The following FRMD4A variants were observed in gnomAD, a reference collection of about 807,000 sequenced individuals.
The protein encoded by FRMD4A is FERM domain-containing protein 4A.
Under a neutral mutation model 129.1 loss-of-function variants are expected in FRMD4A, and 29 were observed. The ratio of observed to expected loss-of-function variants is 0.22; its 90% confidence interval spans 0.17 to 0.31. The LOEUF is 0.31. FRMD4A is among the 10% of genes least tolerant of loss of function. The probability of loss-of-function intolerance (pLI) is 1.00; values close to 1 mark genes in which losing one functional copy is unlikely to be tolerated. For missense variants in FRMD4A, 1,272 were observed against 1,375.8 expected, an observed-to-expected ratio of 0.92 and a Z score of 1.19; for synonymous variants, 634 against 571.6, an observed-to-expected ratio of 1.11 and a Z score of -1.56.
chr10:13,884,158 A>ACACT (rs1564970884), intron 2 of FRMD4A, among the ~76,000 whole-genome samples: 33 of 39,594 alleles, frequency 8.3e-4, no homozygotes, highest in African/African-American at 1.4e-3. Flanking sequence ...ACACACTCTC[A>ACACT]CACACACACT....
intron 21 of FRMD4A, among the ~76,000 whole-genome samples, 163 bp downstream of exon 21, chr10:13,659,160 C>G (rs1017648654): frequency 6.6e-6 from 1 of 152,136 alleles, no homozygotes; most frequent in Admixed American, 6.5e-5. Flanking sequence ...TCTTGGCTAA[C>G]GGGGGTTGAC....
chr10:14,255,429 T>C (rs1290185443), intron 2 of FRMD4A, among the ~76,000 whole-genome samples: 1 of 152,158 alleles, frequency 6.6e-6, no homozygotes. Context: ...TAAAATATGG[T>C]ATCAAAAGGG....
In FRMD4A at chr10:14,254,574, C is replaced by T. The variant is rs148086499; in HGVS notation, c.45+75484G>A. On this transcript the variant is annotated intron_variant, in intron 2 of 24. Transcript: ENST00000357447. The stretch of plus-strand genomic sequence containing the variant: ...CATGTTTTCCTGTGGATACGCCTAG[C>T]ACCTTTCTTTACAATGTGGGGTTCT... Among the ~76,000 whole-genome samples the T allele has an allele frequency of 9.9e-5, 15 of 152,216 alleles. No individual in the cohort carries two copies. The East Asian group carries it at 2.7e-3, about 28-fold the overall frequency.
At chr10:14,276,499 G>C (rs1395530325) in intron 2 of FRMD4A, among the ~76,000 whole-genome samples, 1 of 152,206 alleles carries the variant, frequency 6.6e-6, no homozygotes, top group Non-Finnish European at 1.5e-5. Context: ...TTAATGAAAA[G>C]GCCCCAGTCA....
At chr10:13,752,734 G>A (rs146367100) in intron 8 of FRMD4A, among the ~76,000 whole-genome samples, 21 of 152,220 alleles carry the variant, frequency 1.4e-4, no homozygotes, top group African/African-American at 4.6e-4. Flanking sequence ...TCTCAGGGGC[G>A]GGATATTTCA....
At chr10:13,650,810 T>G (rs2081515384) in intron 24 of FRMD4A, among the ~76,000 whole-genome samples, 1 of 152,210 alleles carries the variant, frequency 6.6e-6, no homozygotes, top group Non-Finnish European at 1.5e-5. Context: ...TTTTTGCACT[T>G]GGGATGGTCT....
intron 2 of FRMD4A, among the ~76,000 whole-genome samples, chr10:14,043,574 G>A (rs1833867755): frequency 6.6e-6 from 1 of 152,116 alleles, no homozygotes; most frequent in Non-Finnish European, 1.5e-5. Flanking sequence ...TGTCCACTCT[G>A]ATGAGGATTT....
At chr10:14,233,570 T>C (rs1159936805) in intron 2 of FRMD4A, among the ~76,000 whole-genome samples, 2 of 152,228 alleles carry the variant, frequency 1.3e-5, no homozygotes, top group Admixed American at 6.5e-5. Context: ...TGAGACTCCA[T>C]CTCAAAACAA....
At chr10:13,993,278 T>A (rs1204474177) in intron 2 of FRMD4A, among the ~76,000 whole-genome samples, 1 of 152,152 alleles carries the variant, frequency 6.6e-6, no homozygotes, top group Non-Finnish European at 1.5e-5. Context: ...GATCCAGAGT[T>A]CCTCAGGGTT....
intron 2 of FRMD4A, among the ~76,000 whole-genome samples, chr10:14,013,239 C>T (rs2095687986): frequency 6.6e-6 from 1 of 152,170 alleles, no homozygotes; most frequent in Non-Finnish European, 1.5e-5. Context: ...CATCTTGAGC[C>T]ATACTTCCTT....
chr10:13,935,958 T>C (rs2095246011), intron 2 of FRMD4A, among the ~76,000 whole-genome samples: 1 of 152,230 alleles, frequency 6.6e-6, no homozygotes, highest in Admixed American at 6.5e-5. Context: ...TTGTCCCCCT[T>C]CAGCTGCCAT....
chr10:13,801,219 CCTGACAACAGAGTGGGGCCCTGTCTCA>C lies in FRMD4A; in HGVS notation c.207-4658_207-4632del, dbSNP rs372886363. Among the ~76,000 whole-genome samples, 164 of 152,256 alleles carry C rather than the reference CCTGACAACAGAGTGGGGCCCTGTCTCA, an allele frequency of 1.1e-3. 3 individuals are homozygous for C. Among genetic ancestry groups the C allele is most frequent in the African/African-American group, 3.4e-3 (140 of 41,534 alleles). On this transcript the variant is annotated intron_variant, in intron 4 of 24. Transcript: ENST00000357447. ...CCGAGATTGCACCGCTGCACTTCAG[CCTGACAACAGAGTGGGGCCCTGTCTCA>C]CTGACAACAGAGTGGGGCCCTGTCT...
intron 4 of FRMD4A, among the ~76,000 whole-genome samples, chr10:13,805,876 T>A (rs1333302374): frequency 7.1e-6 from 1 of 141,624 alleles, no homozygotes; most frequent in African/African-American, 2.7e-5. Context: ...TTTTTTTTTT[T>A]GAGACAGATT....
chr10:13,959,329 A>C (rs1213463403), intron 2 of FRMD4A, among the ~76,000 whole-genome samples: 1 of 152,056 alleles, frequency 6.6e-6, no homozygotes, highest in African/African-American at 2.4e-5. Flanking sequence ...AAAATTAGCC[A>C]GGCGTGGTGG....
chr10:14,038,121 G>C (rs919175614), intron 2 of FRMD4A, among the ~76,000 whole-genome samples: 4 of 152,162 alleles, frequency 2.6e-5, no homozygotes, highest in Non-Finnish European at 4.4e-5. Context: ...AGGAGATCGA[G>C]ACCATCCTGG....
Position 14,089,418 on chromosome 10 carries a change from T to A in FRMD4A, c.46-230506A>T, listed in dbSNP as rs1836502655. Among the ~76,000 whole-genome samples, 7 of 152,064 alleles carry A rather than the reference T, an allele frequency of 4.6e-5. No individual in the cohort carries two copies. The South Asian group carries it at 1.5e-3, about 32-fold the overall frequency. ...GACGGGCTGGCCCAAGTCTGCATTG[T>A]CACCTGCTCTGGGGAAAACAAAGCC... On this transcript the variant is annotated intron_variant, in intron 2 of 24. Transcript: ENST00000357447.
intron 15 of FRMD4A, among the ~76,000 whole-genome samples, chr10:13,689,198 C>CCGG: frequency 1.5e-5 from 1 of 68,066 alleles, no homozygotes; most frequent in African/African-American, 4.5e-5. Context: ...AAACTCTTTG[C>CCGG]GGGGGGGGGG....
chr10:14,036,744 C>T (rs943737726), intron 2 of FRMD4A, among the ~76,000 whole-genome samples: 6 of 152,098 alleles, frequency 3.9e-5, no homozygotes, highest in Non-Finnish European at 8.8e-5. Context: ...CCATTATACT[C>T]GTCTAATTTT....
At chr10:13,728,924 C>A (rs1268453685) in intron 12 of FRMD4A, among the ~76,000 whole-genome samples, 2 of 152,110 alleles carry the variant, frequency 1.3e-5, no homozygotes, top group Non-Finnish European at 2.9e-5. Context: ...GATGATTCAG[C>A]CATGTCTGAT....
Sources: allele counts gnomAD v4.1 joint callset (sites outside exome capture counted in the v4.1 genomes callset), GRCh38; gene constraint gnomAD v4.1.1; transcripts MANE v1.5; gene names NCBI Gene and HGNC (gene_info 2026-07-23, HGNC 2026-07-21).